Variants in U2SURP observed in about 807,000 individuals in gnomAD.
U2SURP encodes the protein U2 snRNP associated SURP domain containing, also known as U2 snRNP-associated SURP motif-containing protein.
A neutral mutation model predicts 144.9 loss-of-function variants in U2SURP; 9 were observed. The ratio of observed to expected loss-of-function variants is 0.06; its 90% CI spans 0.04 to 0.11. The LOEUF (loss-of-function observed/expected upper bound fraction) is 0.11, where lower values mean the gene tolerates loss of function less well. Ranked by LOEUF, U2SURP falls within the 10% of genes least tolerant of loss-of-function variation. The pLI is 1.00. For synonymous variants in U2SURP, 408 were observed against 396.8 expected (o/e 1.03, Z -0.33); for missense variants, 724 against 1,226.7 (o/e 0.59, Z 6.12).
rs957538626 is a variant in U2SURP at position 143,046,018 on chromosome 3, A to G, written c.2544+2742A>G. ...CGAGATTTAGAATCCAAACCCTTTT[A>G]TTGGAGAACCATTAAATTAAGAATA... On this transcript the variant is annotated intron_variant, in intron 24 of 27. Transcript: ENST00000473835. Among the ~76,000 whole-genome samples, 10 of 152,212 alleles carry G rather than the reference A, an allele frequency of 6.6e-5. 1 individual carries two copies. Among genetic ancestry groups the G allele is most frequent in the Admixed American group, 4.6e-4 (7 of 15,284 alleles).
rs1264576268 is a variant in U2SURP at position 143,012,032 on chromosome 3, G to C, written c.91-190G>C. ...ATATAAAATTCAAGCTTGTGAGTTAGAGTTATTGAAAACTTTCCCTGTTCT... is the reference window on the plus strand; with the variant it reads ...ATATAAAATTCAAGCTTGTGAGTTACAGTTATTGAAAACTTTCCCTGTTCT... On this transcript the variant is annotated intron_variant, in intron 2 of 27. Coordinates refer to ENST00000473835, the MANE Select transcript of U2SURP (RefSeq NM_001080415.2). 1.5e-5 allele frequency: 11 copies of C among 720,622 alleles called. No individual in the cohort carries two copies. The Admixed American group carries it at 2.2e-4, about 15-fold the overall frequency. The allele number at this position is 720,622 out of a possible 1,614,324, so 44.6% of individuals were successfully genotyped here.
intron 18 of U2SURP, among the ~76,000 whole-genome samples, 155 bp downstream of exon 18, chr3:143,033,505 T>C (rs1387763859): frequency 6.6e-6 from 1 of 152,154 alleles, no homozygotes; most frequent in Non-Finnish European, 1.5e-5. Flanking sequence ...CAACCAACCA[T>C]GAATTGAAAA....
chr3:143,014,605 T>C (rs182476466), intron 4 of U2SURP, among the ~76,000 whole-genome samples, 196 bp downstream of exon 4: 214 of 152,188 alleles, frequency 1.4e-3, no homozygotes, highest in African/African-American at 5.0e-3. Context: ...CCTGTTTCTT[T>C]TTTCTTTGTT....
intron 23 of U2SURP, among the ~76,000 whole-genome samples, chr3:143,041,928 T>C (rs1270878168): frequency 6.6e-6 from 1 of 151,936 alleles, no homozygotes; most frequent in Non-Finnish European, 1.5e-5. Context: ...TTTGTTTGTA[T>C]ATGGGTATCT....
At chr3:143,052,860 G>T (rs184483307) in intron 25 of U2SURP, among the ~76,000 whole-genome samples, 11 of 151,794 alleles carry the variant, frequency 7.2e-5, no homozygotes, top group African/African-American at 2.7e-4. Context: ...TGGATTTATT[G>T]TCTGTAGCCA....
intron 23 of U2SURP, among the ~76,000 whole-genome samples, chr3:143,039,958 C>G (rs1172071447): frequency 6.6e-6 from 1 of 151,776 alleles, no homozygotes; most frequent in East Asian, 1.9e-4. Flanking sequence ...AATGGAAATA[C>G]CTATCTGAGG....
At chr3:143,025,937 C>A (rs1445746048) in intron 13 of U2SURP, 1 of 152,054 alleles carries the variant, frequency 6.6e-6, no homozygotes, top group African/African-American at 2.4e-5. Flanking sequence ...CCACAAAAGT[C>A]TGTCTTGTTC....
At position 143,022,194 on chromosome 3, in the gene U2SURP, A is replaced by G. The variant is rs560442468; in HGVS notation, c.853-303A>G. Among the ~76,000 whole-genome samples the G allele has an allele frequency of 4.3e-4, 65 of 152,304 alleles. No homozygotes were observed. In the South Asian group the frequency reaches 0.013, roughly 31 times the overall value. On this transcript the variant is annotated intron_variant, in intron 10 of 27. Transcript: ENST00000473835. ...TGCCTAAACAAACCATCACTATAAA[A>G]CATCTTACTTAGATCCAGGACCTTA...
At chr3:143,007,790 A>C (rs545788954) in intron 1 of U2SURP, among the ~76,000 whole-genome samples, 1 of 152,288 alleles carries the variant, frequency 6.6e-6, no homozygotes, top group South Asian at 2.1e-4. Flanking sequence ...CTTCAGTTAA[A>C]AATAAAAAGC....
At chr3:143,019,009 T>C (rs919558159) in intron 6 of U2SURP, among the ~76,000 whole-genome samples, 1 of 152,226 alleles carries the variant, frequency 6.6e-6, no homozygotes, top group East Asian at 1.9e-4. Flanking sequence ...TTGTACTTCA[T>C]TGTGGTTTTG....
Position 143,056,681 on chromosome 3 carries a change from T to G in U2SURP, c.*231T>G. 2.3e-6 allele frequency: 1 copy of G among 434,028 alleles called. No homozygotes were observed. The highest frequency in any genetic ancestry group is 4.1e-6 in the Non-Finnish European group (1 of 243,460). The allele number at this position is 434,028 out of a possible 1,614,324, so 26.9% of individuals were successfully genotyped here. ...ATTTCTCAAGATGAAATTTTTATTG[T>G]TCTAATGGATTTCATCAGAAATGTG... On this transcript the variant is annotated 3_prime_UTR_variant, in exon 28 of 28. Coordinates refer to ENST00000473835, the MANE Select transcript of U2SURP (RefSeq NM_001080415.2).
intron 1 of U2SURP, among the ~76,000 whole-genome samples, chr3:143,003,178 C>A (rs568017801): frequency 6.6e-6 from 1 of 152,284 alleles, no homozygotes; most frequent in East Asian, 1.9e-4. Flanking sequence ...TATGGCTGTT[C>A]TCAATAAATA....
Position 143,014,352 on chromosome 3 carries a change from A to G in U2SURP, c.264A>G (p.Lys88=). The G allele has an allele frequency of 6.2e-7, 1 of 1,609,864 alleles. No individual in the cohort carries two copies. Among genetic ancestry groups the G allele is most frequent in the Admixed American group, 1.7e-5 (1 of 59,550 alleles). ...ENKLKAFSIG[K]MSTAKRTLSK... ...AACTTAAAGCATTCAGTATTGGAAAAATGAGTACAGCTAAGCGAACTTTAA... is the reference window on the plus strand; with the variant it reads ...AACTTAAAGCATTCAGTATTGGAAAGATGAGTACAGCTAAGCGAACTTTAA... The change falls in exon 4 of 28, where the codon AAA becomes AAG. Residue 88 remains lysine (K), a synonymous_variant. Coordinates refer to ENST00000473835, the MANE Select transcript of U2SURP (RefSeq NM_001080415.2).
chr3:143,016,009 A>G (rs544417809), intron 4 of U2SURP, among the ~76,000 whole-genome samples: 18 of 152,230 alleles, frequency 1.2e-4, no homozygotes, highest in African/African-American at 4.1e-4. Context: ...TCTCTAGACA[A>G]ATTTACTAAT....
chr3:143,054,085 A>G (rs1935023857), intron 26 of U2SURP, among the ~76,000 whole-genome samples: 1 of 152,240 alleles, frequency 6.6e-6, no homozygotes, highest in Non-Finnish European at 1.5e-5. Flanking sequence ...TTTAAGTAAC[A>G]AAACAACTTG....
chr3:143,047,889 C>CG (rs1223679592), intron 24 of U2SURP, among the ~76,000 whole-genome samples: 5 of 142,774 alleles, frequency 3.5e-5, no homozygotes, highest in South Asian at 4.6e-4. Context: ...CTGACCCCCC[C>CG]CAACCTCCCT....
At chr3:143,015,435 G>GTT (rs71629553) in intron 4 of U2SURP, among the ~76,000 whole-genome samples, 1 of 151,686 alleles carries the variant, frequency 6.6e-6, no homozygotes. Context: ...TGGTTTTTCA[G>GTT]TTTTTTCCAT....
chr3:143,053,077 A>T (rs1381529510), intron 25 of U2SURP, among the ~76,000 whole-genome samples: 1 of 151,932 alleles, frequency 6.6e-6, no homozygotes, highest in Non-Finnish European at 1.5e-5. Context: ...ATTGTGAATA[A>T]CCATTTTCCT....
At chr3:143,020,262 T>G (rs571179307) in intron 7 of U2SURP, among the ~76,000 whole-genome samples, 45 of 152,328 alleles carry the variant, frequency 3.0e-4, no homozygotes, top group African/African-American at 1.0e-3. Context: ...ATTGATTTAC[T>G]TAATGTCCAG....
Sources: gnomAD v4.1 joint callset for allele counts (sites outside exome capture counted in the v4.1 genomes callset) on GRCh38, gnomAD v4.1.1 for gene constraint, MANE v1.5 for transcripts, NCBI Gene and HGNC (gene_info 2026-07-23, HGNC 2026-07-21) for gene names.